The following GSTCD variants were observed in gnomAD, a reference collection of about 807,000 sequenced individuals.
The protein encoded by GSTCD is glutathione S-transferase C-terminal domain-containing protein.
In GSTCD, 44 loss-of-function variants were observed where a neutral mutation model predicts 68.3. The ratio of observed to expected loss-of-function variants is 0.64; its 90% confidence interval spans 0.51 to 0.83. The LOEUF (loss-of-function observed/expected upper bound fraction) is 0.83. GSTCD is among the 40% of genes least tolerant of loss of function. The probability of loss-of-function intolerance (pLI) is 0.00; values close to 1 mark genes in which losing one functional copy is unlikely to be tolerated. For missense variants in GSTCD, 739 were observed against 735.9 expected, an observed-to-expected ratio of 1.00 and a Z score of -0.05; for synonymous variants, 273 against 255.2, an observed-to-expected ratio of 1.07 and a Z score of -0.67.
intron 5 of GSTCD, among the ~76,000 whole-genome samples, chr4:105,792,295 AAACT>A (rs1735708358): frequency 2.6e-5 from 4 of 152,098 alleles, no homozygotes; most frequent in Admixed American, 2.6e-4. Flanking sequence ...TTGAAAATTT[AAACT>A]ATCCCACAGT....
chr4:105,840,630 C>T (rs1724297299), intron 10 of GSTCD, among the ~76,000 whole-genome samples: 1 of 152,136 alleles, frequency 6.6e-6, no homozygotes, highest in Admixed American at 6.5e-5. Flanking sequence ...GAACAGTTGT[C>T]GTGGGATCAT....
At chr4:105,712,331 A>G (rs1206505666) in intron 1 of GSTCD, among the ~76,000 whole-genome samples, 1 of 152,232 alleles carries the variant, frequency 6.6e-6, no homozygotes, top group Non-Finnish European at 1.5e-5. Flanking sequence ...TCTTGGAGAA[A>G]AGCATTCTAG....
intron 5 of GSTCD, among the ~76,000 whole-genome samples, chr4:105,800,700 C>T (rs1736072419): frequency 1.3e-5 from 2 of 151,992 alleles, no homozygotes; most frequent in Non-Finnish European, 2.9e-5. Context: ...TAATAGTTGC[C>T]CAATAATATG....
chr4:105,789,514 T>A (rs1735585103), intron 5 of GSTCD, among the ~76,000 whole-genome samples: 1 of 151,958 alleles, frequency 6.6e-6, no homozygotes, highest in African/African-American at 2.4e-5. Context: ...GGGTCTCAGA[T>A]CCTCACTGGC....
rs1387635250 is a variant in GSTCD at position 105,834,501 on chromosome 4, T to C, written c.1571T>C (p.Ile524Thr). 6.2e-7 allele frequency: 1 copy of C among 1,614,004 alleles called. No individual in the cohort carries two copies. The change falls in exon 9 of 12, where the codon ATT (isoleucine) becomes ACT (threonine). Residue 524 changes from isoleucine (I) to threonine (T), a missense_variant. Ile to Thr is a moderately conservative substitution (Grantham distance 89). Coordinates refer to ENST00000515279, the MANE Select transcript of GSTCD (RefSeq NM_001370181.1). ...TGTGGAGTGGCAACAGACATGGTGA[T>C]TGAGCACTGTATCAAAACACGGGCT... ...HACGVATDMV[I>T]EHCIKTRASF...
rs1205550969 is a variant in GSTCD at position 105,846,918 on chromosome 4, C to T, written c.*1341C>T. On this transcript the variant is annotated 3_prime_UTR_variant, in exon 12 of 12. Coordinates refer to ENST00000515279, the MANE Select transcript of GSTCD (RefSeq NM_001370181.1). ...AGGTGATCTACCCGCCTCAGCCTCC[C>T]AAAGTGCTGAAATTACAGGCGTGAG... 1 of 152,160 alleles carries T rather than the reference C, an allele frequency of 6.6e-6. No homozygotes were observed. The highest frequency in any genetic ancestry group is 1.5e-5 in the Non-Finnish European group (1 of 68,040). 9.4% of individuals were successfully genotyped at this position (152,160 alleles called of 1,614,324 possible).
chr4:105,823,505 T>G (rs1723419131), intron 7 of GSTCD: 1 of 357,216 alleles, frequency 2.8e-6, no homozygotes, highest in South Asian at 9.2e-5. Flanking sequence ...TTTATAGGTT[T>G]AAGTAATTTT....
At chr4:105,746,164 C>T (rs993338917) in intron 5 of GSTCD, 7 of 152,000 alleles carry the variant, frequency 4.6e-5, no homozygotes, top group Non-Finnish European at 1.0e-4. Context: ...CACCAATAAC[C>T]TAAACAGTTG....
intron 5 of GSTCD, among the ~76,000 whole-genome samples, chr4:105,733,420 T>C (rs1733329496): frequency 6.6e-6 from 1 of 152,266 alleles, no homozygotes; most frequent in Admixed American, 6.5e-5. Context: ...TCTTGTTGAA[T>C]TGATCCATTT....
At chr4:105,780,285 A>G (rs1735227956) in intron 5 of GSTCD, among the ~76,000 whole-genome samples, 2 of 152,210 alleles carry the variant, frequency 1.3e-5, no homozygotes, top group African/African-American at 4.8e-5. Flanking sequence ...CTGAGATTTC[A>G]GGCTAGGGAA....
chr4:105,727,020 T>C (rs1174216920), intron 4 of GSTCD, among the ~76,000 whole-genome samples, 190 bp downstream of exon 4: 1 of 152,148 alleles, frequency 6.6e-6, no homozygotes, highest in Non-Finnish European at 1.5e-5. Context: ...TTGAAAACTT[T>C]TAGTATTATG....
intron 5 of GSTCD, among the ~76,000 whole-genome samples, chr4:105,765,143 C>T (rs183254709): frequency 6.6e-6 from 1 of 152,162 alleles, no homozygotes; most frequent in Non-Finnish European, 1.5e-5. Flanking sequence ...GTATTTTTCT[C>T]ATATTCTGTT....
intron 3 of GSTCD, among the ~76,000 whole-genome samples, chr4:105,719,753 G>A (rs1196702607): frequency 6.6e-6 from 1 of 152,082 alleles, no homozygotes; most frequent in African/African-American, 2.4e-5. Context: ...AACAGTGCTT[G>A]GCACATAGTA....
At chr4:105,750,012 G>A (rs571613502) in intron 5 of GSTCD, among the ~76,000 whole-genome samples, 1 of 152,196 alleles carries the variant, frequency 6.6e-6, no homozygotes, top group Admixed American at 6.5e-5. Flanking sequence ...TAGAAAATGG[G>A]CAAAAGACAT....
intron 5 of GSTCD, among the ~76,000 whole-genome samples, chr4:105,737,867 G>A (rs1733509669): frequency 1.3e-5 from 2 of 152,200 alleles, no homozygotes; most frequent in South Asian, 2.1e-4. Context: ...CTCAAGGCAG[G>A]TGTTTGGTTC....
chr4:105,810,761 T>A (rs1214926113), intron 5 of GSTCD, among the ~76,000 whole-genome samples: 1 of 152,180 alleles, frequency 6.6e-6, no homozygotes, highest in Non-Finnish European at 1.5e-5. Flanking sequence ...TTTCAAGGAA[T>A]AAAAATTATT....
At chr4:105,796,087 T>A (rs1006153525) in intron 5 of GSTCD, among the ~76,000 whole-genome samples, 1 of 152,188 alleles carries the variant, frequency 6.6e-6, no homozygotes, top group African/African-American at 2.4e-5. Context: ...ACTGGATAAT[T>A]TATACAGGAA....
chr4:105,818,612 A>G (rs1723124837), intron 5 of GSTCD, among the ~76,000 whole-genome samples: 1 of 151,786 alleles, frequency 6.6e-6, no homozygotes, highest in Non-Finnish European at 1.5e-5. Flanking sequence ...GTATTTGAGC[A>G]AAGGAGAGAT....
chr4:105,819,881 T>TA lies in GSTCD; in HGVS notation c.1241-3063dup, dbSNP rs900203692. Among the ~76,000 whole-genome samples, 1,124 of 148,008 alleles carry TA rather than the reference T, an allele frequency of 7.6e-3. 6 individuals carry two copies. Among genetic ancestry groups the TA allele is most frequent in the African/African-American group, 0.021 (841 of 40,534 alleles). On this transcript the variant is annotated intron_variant, in intron 5 of 11. Transcript: ENST00000515279. ...GTTTTAGCCTTCTTTGTCTCCATATTAAAAAAAAAACACACAGAATACTGT... is the reference window on the plus strand; with the variant it reads ...GTTTTAGCCTTCTTTGTCTCCATATTAAAAAAAAAAACACACAGAATACTGT...
Sources: allele counts gnomAD v4.1 joint callset (sites outside exome capture counted in the v4.1 genomes callset), GRCh38; gene constraint gnomAD v4.1.1; transcripts MANE v1.5; gene names NCBI Gene and HGNC (gene_info 2026-07-23, HGNC 2026-07-21).